The following DSCAM variants were observed in gnomAD, a reference collection of about 807,000 sequenced individuals.
DSCAM encodes the protein cell adhesion molecule DSCAM.
In DSCAM, 47 loss-of-function variants were observed where a neutral mutation model predicts 217.7. That is an observed-to-expected ratio of 0.22 (90% CI 0.17 to 0.28). The LOEUF is 0.28. Among genes scored for constraint, DSCAM ranks in the 10% least tolerant of loss-of-function variants. DSCAM has a pLI of 1.00. For synonymous variants in DSCAM, 1,056 were observed against 1,015.3 expected (o/e 1.04, Z -0.76); for missense variants, 2,080 against 2,618.3 (o/e 0.79, Z 4.49).
chr21:40,766,026 C>G (rs1049292122), intron 1 of DSCAM, among the ~76,000 whole-genome samples: 2 of 152,188 alleles, frequency 1.3e-5, no homozygotes, highest in East Asian at 1.9e-4. Context: ...GCAGGGAGCT[C>G]GTGACAGCTG....
chr21:40,575,748 AC>A (rs2076845134), intron 3 of DSCAM, among the ~76,000 whole-genome samples: 3 of 152,164 alleles, frequency 2.0e-5, no homozygotes, highest in Admixed American at 1.3e-4. Flanking sequence ...ATTATACTTG[AC>A]AAAAGATTCA....
At position 40,688,184 on chromosome 21, in the gene DSCAM, G is replaced by A. The variant is rs2090502484; in HGVS notation, c.508+4626C>T. ...GCAGTTTCTCTGGGAATAGTAAAATGTTTGCTTTTTCCATTTTCCAAATCC... is the reference window on the plus strand; with the variant it reads ...GCAGTTTCTCTGGGAATAGTAAAATATTTGCTTTTTCCATTTTCCAAATCC... On this transcript the variant is annotated intron_variant, in intron 3 of 32. Coordinates refer to ENST00000400454, the MANE Select transcript of DSCAM (RefSeq NM_001389.5). Among the ~76,000 whole-genome samples, 3 of 152,166 alleles carry A rather than the reference G, an allele frequency of 2.0e-5. No homozygotes were observed. In the East Asian group the frequency reaches 5.8e-4, roughly 29 times the overall value.
rs2088983338 is a variant in DSCAM at position 40,054,551 on chromosome 21, G to T, written c.5035+1174C>A. On this transcript the variant is annotated intron_variant, in intron 29 of 32. Coordinates refer to ENST00000400454, the MANE Select transcript of DSCAM (RefSeq NM_001389.5). ...TGGGCTATGTGCTGAGAGTCAGGCA[G>T]TTTATCCAGACCACAAGAAAGGGTT... Among the ~76,000 whole-genome samples, 5 of 152,334 alleles carry T rather than the reference G, an allele frequency of 3.3e-5. No individual in the cohort carries two copies. In the South Asian group the frequency reaches 1.0e-3, roughly 32 times the overall value.
At chr21:40,778,006 G>A (rs1351676443) in intron 1 of DSCAM, among the ~76,000 whole-genome samples, 1 of 152,056 alleles carries the variant, frequency 6.6e-6, no homozygotes, top group African/African-American at 2.4e-5. Flanking sequence ...AAAGTACAAA[G>A]GGAAAATATA....
intron 3 of DSCAM, among the ~76,000 whole-genome samples, chr21:40,524,919 A>T (rs2076388187): frequency 6.7e-6 from 1 of 148,972 alleles, no homozygotes; most frequent in Admixed American, 6.7e-5. Flanking sequence ...CTGAGGCAGG[A>T]GAATTGCTTG....
At chr21:40,423,496 A>G (rs1334500095) in intron 3 of DSCAM, among the ~76,000 whole-genome samples, 1 of 152,220 alleles carries the variant, frequency 6.6e-6, no homozygotes, top group Non-Finnish European at 1.5e-5. Flanking sequence ...GGGGTGCAAG[A>G]CACCTGAAGT....
intron 15 of DSCAM, among the ~76,000 whole-genome samples, chr21:40,170,560 T>G (rs184344894): frequency 6.6e-6 from 1 of 152,258 alleles, no homozygotes; most frequent in East Asian, 1.9e-4. Context: ...CAGCTAATGG[T>G]GATGATTATT....
At chr21:40,841,206 C>A (rs2092098313) in intron 1 of DSCAM, among the ~76,000 whole-genome samples, 1 of 152,168 alleles carries the variant, frequency 6.6e-6, no homozygotes, top group African/African-American at 2.4e-5. Context: ...TGGTCAGAAG[C>A]TGTCTGACCT....
chr21:40,041,587 C>T (rs772405329), intron 32 of DSCAM, among the ~76,000 whole-genome samples: 4 of 152,186 alleles, frequency 2.6e-5, no homozygotes. Flanking sequence ...GTCCGCCTCG[C>T]TCCTTTGACC....
intron 8 of DSCAM, among the ~76,000 whole-genome samples, chr21:40,332,016 T>C (rs2074382752): frequency 1.3e-5 from 2 of 152,178 alleles, no homozygotes; most frequent in South Asian, 4.2e-4. Context: ...GACACTCAGG[T>C]GCCACATCGC....
At chr21:40,390,025 C>CCCA (rs2075119758) in intron 3 of DSCAM, among the ~76,000 whole-genome samples, 1 of 152,148 alleles carries the variant, frequency 6.6e-6, no homozygotes, top group African/African-American at 2.4e-5. Flanking sequence ...TATCCATTCC[C>CCCA]CCACCACCCC....
chr21:40,348,321 A>G (rs569099437), intron 5 of DSCAM, among the ~76,000 whole-genome samples: 1 of 152,264 alleles, frequency 6.6e-6, no homozygotes, highest in African/African-American at 2.4e-5. Flanking sequence ...TATTGCAATC[A>G]TACCCCATAC....
At chr21:40,376,543 A>ATCTTATATCGATATC (rs2074957550) in intron 3 of DSCAM, among the ~76,000 whole-genome samples, 3 of 86,224 alleles carry the variant, frequency 3.5e-5, no homozygotes, top group Non-Finnish European at 4.3e-5. Context: ...ATATCGATAT[A>ATCTTATATCGATATC]TCTTATATCG....
chr21:40,673,671 A>T (rs1021350473), intron 3 of DSCAM, among the ~76,000 whole-genome samples: 5 of 152,184 alleles, frequency 3.3e-5, no homozygotes, highest in African/African-American at 1.2e-4. Context: ...TCCCATGAAT[A>T]GTTTAGCACT....
At chr21:40,556,545 T>C (rs947238316) in intron 3 of DSCAM, among the ~76,000 whole-genome samples, 10 of 152,174 alleles carry the variant, frequency 6.6e-5, no homozygotes, top group African/African-American at 2.4e-4. Context: ...TTCTGATAGC[T>C]GGAAGGTTCA....
In DSCAM at chr21:40,324,773, A is replaced by T. The variant is rs138290905; in HGVS notation, c.1784-12414T>A. ...ACTGAGTTACTTTTCTGCATTTTTA[A>T]TATGAAAAGAAAAGCCATTTGAATC... On this transcript the variant is annotated intron_variant, in intron 8 of 32. Coordinates refer to ENST00000400454, the MANE Select transcript of DSCAM (RefSeq NM_001389.5). Among the ~76,000 whole-genome samples, 226 of 152,310 alleles carry T rather than the reference A, an allele frequency of 1.5e-3. 1 individual carries two copies. Among genetic ancestry groups the T allele is most frequent in the African/African-American group, 5.2e-3 (216 of 41,564 alleles).
At chr21:40,294,976 T>C (rs1251639802) in intron 10 of DSCAM, among the ~76,000 whole-genome samples, 1 of 152,166 alleles carries the variant, frequency 6.6e-6, no homozygotes, top group African/African-American at 2.4e-5. Flanking sequence ...TCCCCACTTC[T>C]TTACCTTCCT....
At chr21:40,694,866 T>C (rs2090579231) in intron 2 of DSCAM, among the ~76,000 whole-genome samples, 1 of 151,876 alleles carries the variant, frequency 6.6e-6, no homozygotes, top group South Asian at 2.1e-4. Context: ...AGAAAAAGAC[T>C]ATGAAGATAT....
At chr21:40,057,674 G>A (rs941090789) in intron 28 of DSCAM, among the ~76,000 whole-genome samples, 1 of 152,134 alleles carries the variant, frequency 6.6e-6, no homozygotes, top group South Asian at 2.1e-4. Flanking sequence ...ACTGCGACTG[G>A]CTGGCACCAA....
Sources: allele counts gnomAD v4.1 joint callset (sites outside exome capture counted in the v4.1 genomes callset), GRCh38; gene constraint gnomAD v4.1.1; transcripts MANE v1.5; gene names NCBI Gene and HGNC (gene_info 2026-07-23, HGNC 2026-07-21).